The following ROBO2 variants were observed in gnomAD, a reference collection of about 807,000 sequenced individuals.
ROBO2 encodes roundabout guidance receptor 2.
A neutral mutation model predicts 160.8 loss-of-function variants in ROBO2; 53 were observed. That is an observed-to-expected ratio of 0.33 (90% confidence interval 0.26 to 0.41). The LOEUF (loss-of-function observed/expected upper bound fraction) is 0.41. Ranked by LOEUF, ROBO2 falls within the 10% of genes least tolerant of loss-of-function variation. The probability of loss-of-function intolerance (pLI) is 1.00; values close to 1 mark genes in which losing one functional copy is unlikely to be tolerated. For missense variants in ROBO2, 1,577 were observed against 1,722.4 expected (o/e 0.92, Z 1.49); for synonymous variants, 664 against 611.7 (o/e 1.09, Z -1.26).
chr3:76,797,095 G>A (rs932882050), intron 2 of ROBO2, among the ~76,000 whole-genome samples: 1 of 152,038 alleles, frequency 6.6e-6, no homozygotes, highest in Non-Finnish European at 1.5e-5. Flanking sequence ...TAAATCAAAT[G>A]GACCTAACAG....
chr3:76,884,988 G>C (rs1270095281), intron 2 of ROBO2, among the ~76,000 whole-genome samples: 3 of 152,070 alleles, frequency 2.0e-5, no homozygotes, highest in Non-Finnish European at 4.4e-5. Context: ...AGTTGAATCA[G>C]ACACCTGATT....
At chr3:77,243,702 C>T (rs531739894) in intron 2 of ROBO2, among the ~76,000 whole-genome samples, 9 of 152,264 alleles carry the variant, frequency 5.9e-5, no homozygotes, top group Middle Eastern at 3.4e-3. Context: ...TTAGTGAGCG[C>T]GGCCTTACAC....
At chr3:76,237,854 A>G (rs1409682867) in intron 2 of ROBO2, among the ~76,000 whole-genome samples, 1 of 152,216 alleles carries the variant, frequency 6.6e-6, no homozygotes, top group African/African-American at 2.4e-5. Flanking sequence ...ACTGATTACA[A>G]TGAACTCGTG....
chr3:76,840,945 A>G (rs1010409253), intron 2 of ROBO2, among the ~76,000 whole-genome samples: 1 of 151,972 alleles, frequency 6.6e-6, no homozygotes. Context: ...TGAGGGGAAC[A>G]TCTGATGGTC....
At chr3:77,196,613 C>A (rs1440407307) in intron 2 of ROBO2, among the ~76,000 whole-genome samples, 1 of 151,766 alleles carries the variant, frequency 6.6e-6, no homozygotes, top group Non-Finnish European at 1.5e-5. Context: ...TACATTGTGG[C>A]AGTTCAAGGG....
At chr3:77,118,838 C>A (rs1579132367) in intron 2 of ROBO2, among the ~76,000 whole-genome samples, 1 of 152,168 alleles carries the variant, frequency 6.6e-6, no homozygotes, top group Non-Finnish European at 1.5e-5. Flanking sequence ...TAGTCTACTA[C>A]ACACCTTGAC....
intron 2 of ROBO2, among the ~76,000 whole-genome samples, chr3:76,896,629 T>G (rs1014511776): frequency 6.6e-6 from 1 of 152,142 alleles, no homozygotes; most frequent in Admixed American, 6.6e-5. Context: ...AGTATTAGAA[T>G]CTTATCAGGT....
Position 77,627,034 on chromosome 3 carries a change from T to C in ROBO2, c.3760+4602T>C, listed in dbSNP as rs997986697. ...AACTTAAAGGAAAATAAGTTTAGTA[T>C]TAGGGAAAAGTTCAGGGATAATGCT... On this transcript the variant is annotated intron_variant, in intron 23 of 25. Coordinates refer to ENST00000461745, the Ensembl canonical transcript of ROBO2. Among the ~76,000 whole-genome samples the C allele has an allele frequency of 3.3e-5, 5 of 152,198 alleles. No homozygotes were observed. The East Asian group carries it at 5.8e-4, about 18-fold the overall frequency.
At chr3:75,986,213 T>TA (rs1245522278) in intron 2 of ROBO2, among the ~76,000 whole-genome samples, 1 of 149,332 alleles carries the variant, frequency 6.7e-6, no homozygotes. Context: ...TATTTTCTGT[T>TA]TTTTTTTAAT....
chr3:76,881,643 T>C (rs1559645225), intron 2 of ROBO2, among the ~76,000 whole-genome samples: 2 of 152,218 alleles, frequency 1.3e-5, no homozygotes, highest in Non-Finnish European at 2.9e-5. Flanking sequence ...TATTTTACAT[T>C]GGAATAAATT....
intron 23 of ROBO2, chr3:77,629,289 A>G (rs1418396797): frequency 6.6e-6 from 1 of 152,130 alleles, no homozygotes; most frequent in East Asian, 1.9e-4. Context: ...TAGTGATGCT[A>G]CCGTGGTGTA....
At chr3:77,378,190 T>C (rs4684002) in intron 2 of ROBO2, among the ~76,000 whole-genome samples, 17,015 of 152,204 alleles carry the variant, frequency 0.11, 1,904 homozygotes, top group African/African-American at 0.26. Context: ...TTTTGAAAAT[T>C]ACCATTGTCT....
chr3:76,765,764 G>A (rs2061545454), intron 2 of ROBO2, among the ~76,000 whole-genome samples: 1 of 151,656 alleles, frequency 6.6e-6, no homozygotes, highest in Admixed American at 6.6e-5. Context: ...AGCATCAGCT[G>A]ACGTCTGATT....
At chr3:76,796,848 A>G (rs1227642469) in intron 2 of ROBO2, among the ~76,000 whole-genome samples, 1 of 152,106 alleles carries the variant, frequency 6.6e-6, no homozygotes, top group Non-Finnish European at 1.5e-5. Flanking sequence ...TGTAAAAGGA[A>G]TCAAGCCCCT....
chr3:77,144,825 A>T (rs184357130), intron 2 of ROBO2, among the ~76,000 whole-genome samples: 1 of 152,224 alleles, frequency 6.6e-6, no homozygotes, highest in Non-Finnish European at 1.5e-5. Context: ...TTAGTTTTCT[A>T]TCAGGCCTCA....
chr3:77,276,454 G>T (rs2059833551), intron 2 of ROBO2, among the ~76,000 whole-genome samples: 1 of 152,106 alleles, frequency 6.6e-6, no homozygotes, highest in Non-Finnish European at 1.5e-5. Context: ...CCCCCTTAAG[G>T]TTAGCATTGC....
intron 2 of ROBO2, among the ~76,000 whole-genome samples, chr3:76,288,464 G>T (rs1430770922): frequency 6.6e-6 from 1 of 151,570 alleles, no homozygotes; most frequent in Non-Finnish European, 1.5e-5. Flanking sequence ...ACAAAGGTTG[G>T]TGTTGATCAG....
At chr3:76,433,218 G>T (rs369735340) in intron 2 of ROBO2, among the ~76,000 whole-genome samples, 1 of 152,118 alleles carries the variant, frequency 6.6e-6, no homozygotes, top group African/African-American at 2.4e-5. Flanking sequence ...ATGTAAAGTT[G>T]TATGGTACTT....
At chr3:77,212,469 T>A (rs1320301035) in intron 2 of ROBO2, among the ~76,000 whole-genome samples, 2 of 152,146 alleles carry the variant, frequency 1.3e-5, no homozygotes, top group Non-Finnish European at 2.9e-5. Flanking sequence ...CTTAAGGAGA[T>A]TTGGGGCTGA....
Sources: allele counts gnomAD v4.1 joint callset (sites outside exome capture counted in the v4.1 genomes callset), GRCh38; gene constraint gnomAD v4.1.1; transcripts MANE v1.5; gene names NCBI Gene and HGNC (gene_info 2026-07-23, HGNC 2026-07-21).